The following STPG2 variants were observed in gnomAD, a reference collection of about 807,000 sequenced individuals.
STPG2 encodes the protein sperm-tail PG-rich repeat-containing protein 2.
A neutral mutation model predicts 54.2 loss-of-function variants in STPG2; 56 were observed. That is an observed-to-expected ratio of 1.03 (90% CI 0.83 to 1.29). The LOEUF (loss-of-function observed/expected upper bound fraction) is 1.29, where lower values mean the gene tolerates loss of function less well. Among genes scored for constraint, STPG2 ranks in the 50% most tolerant of loss-of-function variants. The pLI is 0.00. For synonymous variants in STPG2, 200 were observed against 181.8 expected, an observed-to-expected ratio of 1.10 and a Z score of -0.81; for missense variants, 596 against 544.9, an observed-to-expected ratio of 1.09 and a Z score of -0.93.
chr4:97,533,586 C>T (rs980257930), intron 4 of STPG2, among the ~76,000 whole-genome samples: 1 of 152,050 alleles, frequency 6.6e-6, no homozygotes, highest in African/African-American at 2.4e-5. Flanking sequence ...GTTCGTCTTG[C>T]CTGCCTCCAG....
At chr4:97,789,236 A>C (rs1726918853) in intron 9 of STPG2, among the ~76,000 whole-genome samples, 1 of 152,004 alleles carries the variant, frequency 6.6e-6, no homozygotes, top group Admixed American at 6.6e-5. Flanking sequence ...CTAGCTTCTT[A>C]GTTATTTTGA....
chr4:97,878,179 A>G (rs1336547241), intron 8 of STPG2, among the ~76,000 whole-genome samples: 2 of 152,164 alleles, frequency 1.3e-5, no homozygotes, highest in Non-Finnish European at 2.9e-5. Context: ...CCTCCCTCCC[A>G]GGTGCTTTCA....
chr4:97,648,022 T>C (rs1292236939), intron 10 of STPG2, among the ~76,000 whole-genome samples: 1 of 152,134 alleles, frequency 6.6e-6, no homozygotes, highest in Non-Finnish European at 1.5e-5. Flanking sequence ...TGACCACTTA[T>C]AATAGCTTAG....
chr4:97,635,189 C>T (rs1168729249), intron 10 of STPG2, among the ~76,000 whole-genome samples: 4 of 152,116 alleles, frequency 2.6e-5, no homozygotes, highest in Non-Finnish European at 5.9e-5. Context: ...CAATATTCAA[C>T]ATTCTTAAAG....
At chr4:98,086,346 C>T (rs192489829) in intron 5 of STPG2, among the ~76,000 whole-genome samples, 5 of 151,920 alleles carry the variant, frequency 3.3e-5, no homozygotes, top group Admixed American at 6.6e-5. Context: ...CCATAAAGTC[C>T]GTGCTATAGT....
chr4:98,006,394 GCTGTGAGAGA>G (rs1195729300), intron 5 of STPG2, among the ~76,000 whole-genome samples: 11 of 152,260 alleles, frequency 7.2e-5, no homozygotes, highest in Middle Eastern at 3.4e-3. Flanking sequence ...AGAAGTAAAG[GCTGTGAGAGA>G]CTGTGAGAAG....
Position 97,565,075 on chromosome 4 carries a change from C to G in STPG2, c.1321-5958G>C, listed in dbSNP as rs1732388747. ...TCCCTTCACTTTCAGGTACACCAAT[C>G]AGACGTAGATTTGGTCTTTTCACAT... On this transcript the variant is annotated intron_variant, in intron 10 of 10. Coordinates refer to ENST00000295268, the MANE Select transcript of STPG2 (RefSeq NM_174952.3). 2.6e-5 allele frequency among the ~76,000 whole-genome samples: 4 copies of G among 152,188 alleles called. No homozygotes were observed. The South Asian group carries it at 6.2e-4, about 24-fold the overall frequency.
chr4:98,031,344 G>C (rs1736590856), intron 5 of STPG2, among the ~76,000 whole-genome samples: 1 of 152,044 alleles, frequency 6.6e-6, no homozygotes, highest in Non-Finnish European at 1.5e-5. Flanking sequence ...GCTTAGGCAA[G>C]GATTTTATAA....
chr4:98,034,464 G>T lies in STPG2; in HGVS notation c.613-53146C>A, dbSNP rs372753091. On this transcript the variant is annotated intron_variant, in intron 5 of 10. Coordinates refer to ENST00000295268, the MANE Select transcript of STPG2 (RefSeq NM_174952.3). ...AAATAAGAGAGGACACAAACAAATG[G>T]AAGAACATTCCATGCTCATGGATAG... Among the ~76,000 whole-genome samples, 60 of 152,206 alleles carry T rather than the reference G, an allele frequency of 3.9e-4. No homozygotes were observed. In the South Asian group the frequency reaches 0.012, roughly 30 times the overall value.
At chr4:98,059,719 T>A (rs149761197) in intron 5 of STPG2, among the ~76,000 whole-genome samples, 3 of 150,670 alleles carry the variant, frequency 2.0e-5, no homozygotes, top group Admixed American at 6.6e-5. Context: ...TCTACCATGA[T>A]CAAATAGGCT....
intron 4 of STPG2, among the ~76,000 whole-genome samples, chr4:97,475,291 T>C (rs907892836): frequency 2.0e-5 from 3 of 151,782 alleles, no homozygotes; most frequent in African/African-American, 7.2e-5. Context: ...CTTTGCCAAA[T>C]AATTTGAATT....
At chr4:97,770,190 G>A (rs573349896) in intron 9 of STPG2, among the ~76,000 whole-genome samples, 1 of 152,222 alleles carries the variant, frequency 6.6e-6, no homozygotes, top group African/African-American at 2.4e-5. Flanking sequence ...CAGCCTAGGC[G>A]ACAGAGTGAT....
At chr4:97,692,069 C>T (rs1431936197) in intron 10 of STPG2, among the ~76,000 whole-genome samples, 1 of 152,002 alleles carries the variant, frequency 6.6e-6, no homozygotes, top group Non-Finnish European at 1.5e-5. Flanking sequence ...CTGATATAGT[C>T]TACCAAAATG....
At chr4:97,918,069 A>AC (rs1382513936) in intron 8 of STPG2, among the ~76,000 whole-genome samples, 3 of 145,700 alleles carry the variant, frequency 2.1e-5, no homozygotes, top group Non-Finnish European at 4.5e-5. Context: ...TATAAGGAAG[A>AC]TAAAAAAAAA....
intron 4 of STPG2, among the ~76,000 whole-genome samples, chr4:97,456,016 T>C (rs998534225): frequency 2.0e-5 from 3 of 152,204 alleles, no homozygotes; most frequent in Non-Finnish European, 4.4e-5. Flanking sequence ...ATCAAAGGCA[T>C]AGTCCATGAA....
intron 9 of STPG2, among the ~76,000 whole-genome samples, chr4:97,717,501 T>C (rs1370932062): frequency 1.3e-5 from 2 of 152,300 alleles, no homozygotes. Context: ...GTCACTGTTA[T>C]GACATATAAA....
At chr4:97,499,953 G>T (rs1730689416) in intron 4 of STPG2, among the ~76,000 whole-genome samples, 1 of 151,954 alleles carries the variant, frequency 6.6e-6, no homozygotes, top group Non-Finnish European at 1.5e-5. Context: ...TATCATTGTT[G>T]AGTATTTTAA....
intron 10 of STPG2, among the ~76,000 whole-genome samples, chr4:97,691,287 G>A (rs1344579685): frequency 1.3e-5 from 2 of 152,220 alleles, no homozygotes; most frequent in Admixed American, 1.3e-4. Context: ...CAAGTTTTAA[G>A]CCCTGTTCAC....
At chr4:97,623,516 C>T (rs1380586897) in intron 10 of STPG2, among the ~76,000 whole-genome samples, 3 of 152,070 alleles carry the variant, frequency 2.0e-5, no homozygotes, top group Non-Finnish European at 4.4e-5. Context: ...CTTAATATCA[C>T]TAATCATTAA....
Sources: allele counts gnomAD v4.1 joint callset (sites outside exome capture counted in the v4.1 genomes callset), GRCh38; gene constraint gnomAD v4.1.1; transcripts MANE v1.5; gene names NCBI Gene and HGNC (gene_info 2026-07-23, HGNC 2026-07-21).